The following PHEX variants were observed in gnomAD, a reference collection of about 807,000 sequenced individuals.
PHEX encodes the protein phosphate-regulating neutral endopeptidase PHEX.
Under a neutral mutation model 68.0 loss-of-function variants are expected in PHEX, and 16 were observed. The observed-to-expected ratio is 0.24, with a 90% CI of 0.16 to 0.36. PHEX has a LOEUF of 0.36. Ranked by LOEUF, PHEX falls within the 10% of genes least tolerant of loss-of-function variation. PHEX has a pLI of 1.00. For missense variants in PHEX, 480 were observed against 575.5 expected (o/e 0.83, Z 1.70); for synonymous variants, 208 against 205.1 (o/e 1.01, Z -0.12).
chrX:22,180,483 A>T (rs1011358141), intron 14 of PHEX, among the ~76,000 whole-genome samples: 2 of 97,418 alleles, frequency 2.1e-5, no homozygotes, highest in Non-Finnish European at 3.9e-5. Flanking sequence ...TTCAAAAATT[A>T]AAAAAAAAAT....
Position 22,249,455 on chromosome X carries a change from A to AAAAATATATATATATATATAT in PHEX, c.*1503_*1504insAAATATATATATATATATATA. Reference sequence around the variant, plus strand: ...TTGTGATTCTTTTAAAAAAAAAAAAAATATATATATATATATATATATATA... The same window carrying AAAAATATATATATATATATAT: ...TTGTGATTCTTTTAAAAAAAAAAAAAAAAATATATATATATATATATATATATATATATATATATATATATA... On this transcript the variant is annotated 3_prime_UTR_variant, in exon 22 of 22. Coordinates refer to ENST00000379374, the MANE Select transcript of PHEX (RefSeq NM_000444.6). 1.3e-4 allele frequency: 5 copies of AAAAATATATATATATATATAT among 39,752 alleles called. No homozygotes were observed. Among genetic ancestry groups the AAAAATATATATATATATATAT allele is most frequent in the African/African-American group, 1.7e-4 (1 of 6,015 alleles). The allele number at this position is 39,752 out of a possible 1,213,427, so 3.3% of individuals were successfully genotyped here.
At chrX:22,120,861 T>C (rs1371458738) in intron 11 of PHEX, among the ~76,000 whole-genome samples, 1 of 112,209 alleles carries the variant, frequency 8.9e-6, no homozygotes, top group African/African-American at 3.2e-5. Flanking sequence ...TCAAAGAAAT[T>C]TTTTTTCTAT....
rs1936504971 is a variant in PHEX, at chrX:22,249,456, A to ATATATATATATATATATATG, written c.*1522_*1523insGTATATATATATATATATAT. ...TGTGATTCTTTTAAAAAAAAAAAAA[A>ATATATATATATATATATATG]TATATATATATATATATATATATAT... On this transcript the variant is annotated 3_prime_UTR_variant, in exon 22 of 22. Coordinates refer to ENST00000379374, the MANE Select transcript of PHEX (RefSeq NM_000444.6). The ATATATATATATATATATATG allele has an allele frequency of 3.2e-5, 1 of 31,204 alleles. No homozygotes were observed. The highest frequency in any genetic ancestry group is 5.4e-5 in the Non-Finnish European group (1 of 18,424). The allele number at this position is 31,204 out of a possible 1,213,427, so 2.6% of individuals were successfully genotyped here. A position where few individuals can be genotyped will look rare whatever the true frequency, so the allele number is the denominator to read the frequency against.
intron 19 of PHEX, among the ~76,000 whole-genome samples, chrX:22,227,009 A>G (rs1489434940): frequency 8.9e-6 from 1 of 112,450 alleles, no homozygotes; most frequent in African/African-American, 3.2e-5. Context: ...GATAATACAG[A>G]AAGATTTCAT....
At chrX:22,223,452 T>TTAG (rs928855034) in intron 18 of PHEX, among the ~76,000 whole-genome samples, 3 of 111,758 alleles carry the variant, frequency 2.7e-5, no homozygotes, top group African/African-American at 9.8e-5. Flanking sequence ...GATATAAAGC[T>TTAG]TAGAGTGAAT....
intron 15 of PHEX, among the ~76,000 whole-genome samples, chrX:22,211,582 A>G (rs977363580): frequency 2.7e-5 from 3 of 112,294 alleles, no homozygotes; most frequent in Admixed American, 9.4e-5. Context: ...ACAAAACTCA[A>G]CTGTTTTTAT....
intron 15 of PHEX, among the ~76,000 whole-genome samples, chrX:22,205,392 T>G (rs750725846): frequency 8.9e-6 from 1 of 111,911 alleles, no homozygotes; most frequent in Non-Finnish European, 1.9e-5. Context: ...AATTTAAGAA[T>G]GAAATGCTCC....
At chrX:22,209,718 C>CTCCCTCTCCCTCTCT (rs1569427949) in intron 15 of PHEX, among the ~76,000 whole-genome samples, 89 of 72,869 alleles carry the variant, frequency 1.2e-3, no homozygotes, top group South Asian at 4.9e-3. Flanking sequence ...CTTCCCTCTG[C>CTCCCTCTCCCTCTCT]TCCCTCTGCT....
intron 15 of PHEX, among the ~76,000 whole-genome samples, chrX:22,201,250 T>C (rs1934542634): frequency 9.0e-6 from 1 of 111,303 alleles, no homozygotes; most frequent in Admixed American, 9.6e-5. Context: ...GATCTTGGCT[T>C]ACTGCAACCT....
intron 12 of PHEX, among the ~76,000 whole-genome samples, chrX:22,159,553 C>A (rs1270291505): frequency 9.0e-6 from 1 of 111,666 alleles, no homozygotes; most frequent in Non-Finnish European, 1.9e-5. Context: ...TGTAAACAAC[C>A]AAAAGAAGAA....
At chrX:22,230,374 G>A (rs1023329265) in intron 20 of PHEX, among the ~76,000 whole-genome samples, 1 of 106,226 alleles carries the variant, frequency 9.4e-6, no homozygotes, top group Non-Finnish European at 1.9e-5. Context: ...GGGCAGTATG[G>A]CCATTTTCAC....
chrX:22,148,473 T>C (rs1359245439), intron 12 of PHEX, among the ~76,000 whole-genome samples: 2 of 112,044 alleles, frequency 1.8e-5, no homozygotes, highest in Non-Finnish European at 3.8e-5. Context: ...CACAAACTTA[T>C]TTTTTTGGTA....
intron 12 of PHEX, among the ~76,000 whole-genome samples, chrX:22,153,753 G>A (rs1932896220): frequency 9.0e-6 from 1 of 111,661 alleles, no homozygotes; most frequent in African/African-American, 3.3e-5. Flanking sequence ...AATAAATGAA[G>A]GTTGAATTAA....
intron 6 of PHEX, 131 bp from the exon 7 acceptor site, chrX:22,093,852 A>G (rs1930011220): frequency 6.1e-6 from 3 of 492,668 alleles, no homozygotes; most frequent in Non-Finnish European, 1.1e-5. Flanking sequence ...TAATGCCTGC[A>G]CCATACTTTG....
At chrX:22,210,482 T>G (rs1934884878) in intron 15 of PHEX, among the ~76,000 whole-genome samples, 1 of 112,201 alleles carries the variant, frequency 8.9e-6, no homozygotes, top group African/African-American at 3.2e-5. Context: ...ATCATTGTTC[T>G]TATTAGGAAA....
At chrX:22,198,650 G>A (rs5951512) in intron 15 of PHEX, among the ~76,000 whole-genome samples, 20,262 of 111,175 alleles carry the variant, frequency 0.18, 1,985 homozygotes, top group African/African-American at 0.37. Flanking sequence ...AAATGCTGGG[G>A]CACAGCTTGC....
intron 5 of PHEX, among the ~76,000 whole-genome samples, chrX:22,081,597 G>T (rs1019321128): frequency 9.0e-6 from 1 of 111,573 alleles, no homozygotes; most frequent in Non-Finnish European, 1.9e-5. Context: ...TGAGCAGATG[G>T]TGCCTTTGGG....
In PHEX at chrX:22,248,011, C is replaced by T. The variant is rs183223600; in HGVS notation, c.*58C>T. Reference sequence around the variant, plus strand: ...TTGCACAGTGCCAGCGGAGGCTGCACTGAGCCTTCATCGCCCATTGCTTTA... The same window carrying T: ...TTGCACAGTGCCAGCGGAGGCTGCATTGAGCCTTCATCGCCCATTGCTTTA... On this transcript the variant is annotated 3_prime_UTR_variant, in exon 22 of 22. Coordinates refer to ENST00000379374, the MANE Select transcript of PHEX (RefSeq NM_000444.6). 544 of 839,498 alleles carry T rather than the reference C, an allele frequency of 6.5e-4. 2 individuals carry two copies. The African/African-American group carries it at 7.6e-3, about 12-fold the overall frequency. 69.2% of individuals were successfully genotyped at this position (839,498 alleles called of 1,213,427 possible). A position where few individuals can be genotyped will look rare whatever the true frequency, so the allele number is the denominator to read the frequency against.
chrX:22,119,992 A>G (rs942516796), intron 11 of PHEX, among the ~76,000 whole-genome samples: 1 of 111,466 alleles, frequency 9.0e-6, no homozygotes, highest in Non-Finnish European at 1.9e-5. Context: ...GAAGGTTCCA[A>G]CGAAGGCCAG....
Sources: gnomAD v4.1 joint callset for allele counts (sites outside exome capture counted in the v4.1 genomes callset) on GRCh38, gnomAD v4.1.1 for gene constraint, MANE v1.5 for transcripts, NCBI Gene and HGNC (gene_info 2026-07-23, HGNC 2026-07-21) for gene names.